GABRG3: variants seen among roughly 807,000 people sequenced by gnomAD.
GABRG3 encodes the protein gamma-aminobutyric acid type A receptor subunit gamma3.
GABRG3 carries 25 observed loss-of-function variants against 48.8 expected under a neutral mutation model. That is an observed-to-expected ratio of 0.51 (90% CI 0.37 to 0.72). GABRG3 has a LOEUF of 0.72. GABRG3 is among the 30% of genes least tolerant of loss of function. The pLI is 0.00. For synonymous variants in GABRG3, 227 were observed against 217.6 expected (o/e 1.04, Z -0.38); for missense variants, 394 against 577.9 (o/e 0.68, Z 3.26).
At position 27,193,392 on chromosome 15, in the gene GABRG3, G is replaced by C. The variant is rs1262012858; in HGVS notation, c.271-133417G>C. On this transcript the variant is annotated intron_variant, in intron 3 of 9. Transcript: ENST00000615808. ...TCCACCCAGTTCTAGCTTCCCGGCTGCTTTGTTTACCTAAGCAAGCCTGGG... is the reference window on the plus strand; with the variant it reads ...TCCACCCAGTTCTAGCTTCCCGGCTCCTTTGTTTACCTAAGCAAGCCTGGG... Among the ~76,000 whole-genome samples the C allele has an allele frequency of 2.0e-5, 3 of 152,018 alleles. No individual in the cohort carries two copies. In the East Asian group the frequency reaches 5.8e-4, roughly 29 times the overall value.
chr15:27,341,280 G>A (rs1022142941), intron 5 of GABRG3, among the ~76,000 whole-genome samples: 3 of 152,156 alleles, frequency 2.0e-5, no homozygotes, highest in African/African-American at 7.2e-5. Flanking sequence ...AGAGTTTTAA[G>A]ATTAGCATTA....
chr15:27,353,424 T>TTTA (rs2140539126), intron 5 of GABRG3, among the ~76,000 whole-genome samples: 1 of 116,490 alleles, frequency 8.6e-6, no homozygotes, highest in Admixed American at 8.9e-5. Flanking sequence ...TTTTCTTTCT[T>TTTA]TCTATTTATT....
intron 3 of GABRG3, among the ~76,000 whole-genome samples, chr15:27,081,353 T>A (rs1896989655): frequency 6.6e-6 from 1 of 152,180 alleles, no homozygotes; most frequent in Non-Finnish European, 1.5e-5. Flanking sequence ...GGGAAACTGA[T>A]GAATTATAAT....
intron 2 of GABRG3, among the ~76,000 whole-genome samples, chr15:26,983,002 T>C (rs1895081884): frequency 6.6e-6 from 1 of 152,170 alleles, no homozygotes; most frequent in African/African-American, 2.4e-5. Flanking sequence ...AACTTGATGA[T>C]ATTCAATCAG....
At chr15:27,454,917 C>G (rs1360388175) in intron 5 of GABRG3, among the ~76,000 whole-genome samples, 2 of 152,176 alleles carry the variant, frequency 1.3e-5, no homozygotes, top group East Asian at 3.9e-4. Context: ...AACCACAATG[C>G]CTGGCATGTT....
At chr15:27,154,718 C>G (rs1331414143) in intron 3 of GABRG3, among the ~76,000 whole-genome samples, 1 of 151,992 alleles carries the variant, frequency 6.6e-6, no homozygotes, top group Non-Finnish European at 1.5e-5. Flanking sequence ...TTTATATGTT[C>G]CTGAATTCTG....
At position 26,976,445 on chromosome 15, in the gene GABRG3, C is replaced by T. The variant is rs185395217; in HGVS notation, c.54-557C>T. ...CTGTCCTTGCCTCCAATCTGAGTGCCGGCAAAGCAGACCCCCTCACAATGC... is the reference window on the plus strand; with the variant it reads ...CTGTCCTTGCCTCCAATCTGAGTGCTGGCAAAGCAGACCCCCTCACAATGC... On this transcript the variant is annotated intron_variant, in intron 1 of 9. Transcript: ENST00000615808. The surrounding 1 kb of genome is among the most constrained non-coding windows in gnomAD (Gnocchi z 7.8). 2.6e-5 allele frequency among the ~76,000 whole-genome samples: 4 copies of T among 152,320 alleles called. No individual in the cohort carries two copies. The highest frequency in any genetic ancestry group is 2.1e-4 in the South Asian group (1 of 4,828).
chr15:27,159,626 A>G (rs1443019223), intron 3 of GABRG3, among the ~76,000 whole-genome samples: 1 of 152,056 alleles, frequency 6.6e-6, no homozygotes, highest in African/African-American at 2.4e-5. Context: ...AGCTACATTG[A>G]TGCCTCCTGG....
intron 3 of GABRG3, among the ~76,000 whole-genome samples, chr15:27,209,856 T>G (rs1254674582): frequency 6.6e-6 from 1 of 152,226 alleles, no homozygotes; most frequent in Non-Finnish European, 1.5e-5. Context: ...ACCTCTCTCC[T>G]TGGCCTGCAG....
At chr15:27,133,866 A>G (rs1897963036) in intron 3 of GABRG3, among the ~76,000 whole-genome samples, 1 of 152,242 alleles carries the variant, frequency 6.6e-6, no homozygotes, top group South Asian at 2.1e-4. Flanking sequence ...CAGATTTCAC[A>G]GTTCAACAAG....
At chr15:27,297,758 A>G (rs1376084356) in intron 3 of GABRG3, among the ~76,000 whole-genome samples, 2 of 152,190 alleles carry the variant, frequency 1.3e-5, no homozygotes, top group Non-Finnish European at 2.9e-5. Context: ...AAAAACATAG[A>G]TTATATAAAA....
intron 5 of GABRG3, among the ~76,000 whole-genome samples, chr15:27,399,973 G>A (rs555850490): frequency 2.0e-4 from 30 of 152,284 alleles, no homozygotes; most frequent in African/African-American, 7.0e-4. Context: ...ATCAGTCTAT[G>A]TGGGTGATCA....
intron 5 of GABRG3, among the ~76,000 whole-genome samples, chr15:27,371,003 C>T (rs1159177468): frequency 1.3e-5 from 2 of 152,184 alleles, no homozygotes; most frequent in Non-Finnish European, 2.9e-5. Context: ...GACATGCAAA[C>T]GTGGTTGTAT....
At chr15:27,323,007 T>C (rs917611542) in intron 3 of GABRG3, among the ~76,000 whole-genome samples, 10 of 152,112 alleles carry the variant, frequency 6.6e-5, no homozygotes, top group Non-Finnish European at 1.2e-4. Context: ...TCCAGCTCTG[T>C]GTTCTCCCGA....
chr15:27,452,944 G>A (rs1210823046), intron 5 of GABRG3, among the ~76,000 whole-genome samples: 2 of 152,138 alleles, frequency 1.3e-5, no homozygotes, highest in Non-Finnish European at 2.9e-5. Context: ...CACAGACACA[G>A]GAATACTATT....
intron 3 of GABRG3, among the ~76,000 whole-genome samples, chr15:27,163,180 A>G (rs765182553): frequency 2.6e-5 from 4 of 152,066 alleles, no homozygotes; most frequent in Non-Finnish European, 5.9e-5. Flanking sequence ...TCTACTCAGT[A>G]TCCTCAGAGA....
chr15:27,217,127 A>T (rs921829899), intron 3 of GABRG3, among the ~76,000 whole-genome samples: 2 of 151,770 alleles, frequency 1.3e-5, no homozygotes, highest in Non-Finnish European at 2.9e-5. Context: ...TTATGGCTGC[A>T]TAGTATTCCA....
chr15:27,321,030 C>T (rs545403877), intron 3 of GABRG3, among the ~76,000 whole-genome samples: 34 of 152,288 alleles, frequency 2.2e-4, no homozygotes, highest in Admixed American at 5.2e-4. Flanking sequence ...CTGCCCTCCT[C>T]GGAGCAGCCT....
Position 27,480,999 on chromosome 15 carries a change from G to C in GABRG3, c.712+212G>C. On this transcript the variant is annotated intron_variant, in intron 6 of 9. Coordinates refer to ENST00000615808, the MANE Select transcript of GABRG3 (RefSeq NM_033223.5). ...AAATAATTCATATTTTTGAATCCAG[G>C]CTGTGTTTGCATAATGTCTATAAAC... 2.2e-6 allele frequency: 3 copies of C among 1,372,938 alleles called. 1 individual carries two copies. Among genetic ancestry groups the C allele is most frequent in the South Asian group, 4.0e-5 (2 of 49,690 alleles). The allele number at this position is 1,372,938 out of a possible 1,614,324, so 85.0% of individuals were successfully genotyped here. A position where few individuals can be genotyped will look rare whatever the true frequency, so the allele number is the denominator to read the frequency against.
Sources: gnomAD v4.1 joint callset for allele counts (sites outside exome capture counted in the v4.1 genomes callset) on GRCh38, gnomAD v4.1.1 for gene constraint, Gnocchi (gnomAD v3.1) non-coding constraint, MANE v1.5 for transcripts, NCBI Gene and HGNC (gene_info 2026-07-23, HGNC 2026-07-21) for gene names.